The following MEIS1 variants were observed in gnomAD, a reference collection of about 807,000 sequenced individuals.
MEIS1 encodes the protein Meis homeobox 1, also known as homeobox protein Meis1.
MEIS1 carries 5 observed loss-of-function variants against 50.8 expected under a neutral mutation model. The ratio of observed to expected loss-of-function variants is 0.10; its 90% CI spans 0.05 to 0.21. MEIS1 has a LOEUF of 0.21. MEIS1 is among the 10% of genes least tolerant of loss of function. The pLI is 1.00. For synonymous variants in MEIS1, 176 were observed against 179.3 expected (o/e 0.98, Z 0.15); for missense variants, 318 against 517.3 (o/e 0.61, Z 3.74).
chr2:66,472,132 C>T (rs1332896655), intron 7 of MEIS1, among the ~76,000 whole-genome samples: 1 of 152,218 alleles, frequency 6.6e-6, no homozygotes, highest in African/African-American at 2.4e-5. Flanking sequence ...ATCTCCCAGG[C>T]ATTCCAGGGC....
chr2:66,496,458 C>T (rs1337219282), intron 7 of MEIS1, among the ~76,000 whole-genome samples: 1 of 151,952 alleles, frequency 6.6e-6, no homozygotes, highest in Non-Finnish European at 1.5e-5. Flanking sequence ...TGTGAATTGC[C>T]CAATTTCATA....
At chr2:66,525,870 G>A (rs760320911) in intron 8 of MEIS1, among the ~76,000 whole-genome samples, 1 of 152,354 alleles carries the variant, frequency 6.6e-6, no homozygotes. Context: ...CAGTGTGTGT[G>A]GCATGCTAGC....
At chr2:66,445,454 TC>T (rs975429710) in intron 6 of MEIS1, among the ~76,000 whole-genome samples, 1 of 152,216 alleles carries the variant, frequency 6.6e-6, no homozygotes, top group African/African-American at 2.4e-5. Context: ...TGCTGGCCTG[TC>T]CCTCCGGGGC....
chr2:66,500,282 C>T (rs1673518779), intron 7 of MEIS1, among the ~76,000 whole-genome samples: 1 of 152,128 alleles, frequency 6.6e-6, no homozygotes, highest in African/African-American at 2.4e-5. Flanking sequence ...AAATCTTACC[C>T]CACCTCCCAA....
rs1553370177 is a variant in MEIS1 at position 66,440,068 on chromosome 2, A to ACACACACACACACACACAC, written c.381+84_381+85insCACACACACACACACACAC. 11 of 778,606 alleles carry ACACACACACACACACACAC rather than the reference A, an allele frequency of 1.4e-5. No individual in the cohort carries two copies. The African/African-American group carries it at 1.9e-4, about 13-fold the overall frequency. 48.2% of individuals were successfully genotyped at this position (778,606 alleles called of 1,614,324 possible). A position where few individuals can be genotyped will look rare whatever the true frequency, so the allele number is the denominator to read the frequency against. On this transcript the variant is annotated intron_variant, in intron 3 of 12. Transcript: ENST00000272369. ...ACACACACGCGCGCGCGCGCGCGCG[A>ACACACACACACACACACAC]ACACACACACACACACACACACACG...
chr2:66,568,804 G>A (rs1675414405), intron 11 of MEIS1, 48 bp downstream of exon 11: 1 of 1,495,806 alleles, frequency 6.7e-7, no homozygotes, highest in Admixed American at 1.7e-5. Context: ...CTCCAAGAGT[G>A]TCATCCCCTC....
chr2:66,465,987 C>A (rs190411022), intron 7 of MEIS1, among the ~76,000 whole-genome samples: 1 of 152,258 alleles, frequency 6.6e-6, no homozygotes, highest in East Asian at 1.9e-4. Context: ...AATGTTTCTT[C>A]CTATATTTTT....
rs955353826 is a variant in MEIS1, at chr2:66,571,526, G to A, written c.*318G>A. ...GACAAGTCATGGACATTCATGCTCA[G>A]TAGCTTAAGGGAATATGCATTGTCT... On this transcript the variant is annotated 3_prime_UTR_variant, in exon 13 of 13. Coordinates refer to ENST00000272369, the MANE Select transcript of MEIS1 (RefSeq NM_002398.3). 6.4e-7 allele frequency: 1 copy of A among 1,562,272 alleles called. No individual in the cohort carries two copies. Among genetic ancestry groups the A allele is most frequent in the Non-Finnish European group, 8.7e-7 (1 of 1,154,028 alleles).
chr2:66,466,503 C>T (rs908876552), intron 7 of MEIS1, among the ~76,000 whole-genome samples: 13 of 152,196 alleles, frequency 8.5e-5, no homozygotes, highest in African/African-American at 1.4e-4. Context: ...CCATGCCAAC[C>T]GTCACCCTTC....
intron 7 of MEIS1, among the ~76,000 whole-genome samples, chr2:66,498,676 C>G (rs1673470991): frequency 6.6e-6 from 1 of 152,168 alleles, no homozygotes; most frequent in South Asian, 2.1e-4. Flanking sequence ...TCTTCCTGGC[C>G]TGGAGTGACT....
chr2:66,484,854 C>T (rs1673101465), intron 7 of MEIS1, among the ~76,000 whole-genome samples: 1 of 152,132 alleles, frequency 6.6e-6, no homozygotes, highest in Non-Finnish European at 1.5e-5. Flanking sequence ...GCCACTGCGC[C>T]TGGCCAAAAA....
chr2:66,470,879 G>C (rs775526271), intron 7 of MEIS1, among the ~76,000 whole-genome samples: 1 of 152,162 alleles, frequency 6.6e-6, no homozygotes, highest in Non-Finnish European at 1.5e-5. Context: ...GTAAAAGACA[G>C]ACAAATGTTC....
chr2:66,547,096 TC>T (rs1282412996), intron 8 of MEIS1, among the ~76,000 whole-genome samples: 2 of 152,196 alleles, frequency 1.3e-5, no homozygotes, highest in African/African-American at 4.8e-5. Flanking sequence ...AACCATATCC[TC>T]AGCTCCTCCC....
At chr2:66,513,312 T>G (rs1052451087) in intron 8 of MEIS1, among the ~76,000 whole-genome samples, 4 of 152,138 alleles carry the variant, frequency 2.6e-5, no homozygotes, top group Non-Finnish European at 5.9e-5. Flanking sequence ...TGTCTTAGCT[T>G]GCTTTTCCTA....
chr2:66,527,721 G>GCTAGAAT (rs1393072729), intron 8 of MEIS1, among the ~76,000 whole-genome samples: 1 of 151,258 alleles, frequency 6.6e-6, no homozygotes, highest in Non-Finnish European at 1.5e-5. Flanking sequence ...AGGAGAGATG[G>GCTAGAAT]CTAGAATAGT....
intron 7 of MEIS1, among the ~76,000 whole-genome samples, chr2:66,494,329 G>A (rs961936531): frequency 6.6e-6 from 1 of 152,080 alleles, no homozygotes; most frequent in African/African-American, 2.4e-5. Flanking sequence ...AAAAACTCAG[G>A]GTAAGACACT....
intron 7 of MEIS1, among the ~76,000 whole-genome samples, chr2:66,485,363 T>C (rs1472590563): frequency 2.0e-5 from 3 of 152,204 alleles, no homozygotes; most frequent in African/African-American, 7.2e-5. Flanking sequence ...TGTTTAGTTT[T>C]CTGTTCCTGT....
intron 9 of MEIS1, among the ~76,000 whole-genome samples, chr2:66,566,937 G>A (rs1259467049): frequency 6.6e-6 from 1 of 152,010 alleles, no homozygotes; most frequent in African/African-American, 2.4e-5. Context: ...CTCATTTGAT[G>A]GTGTGCTGCC....
intron 8 of MEIS1, among the ~76,000 whole-genome samples, chr2:66,529,816 A>G (rs1008138951): frequency 1.3e-5 from 2 of 152,214 alleles, no homozygotes; most frequent in Non-Finnish European, 2.9e-5. Context: ...ATATTTGAAT[A>G]TGTTTACATA....
Sources: allele counts gnomAD v4.1 joint callset (sites outside exome capture counted in the v4.1 genomes callset), GRCh38; gene constraint gnomAD v4.1.1; transcripts MANE v1.5; gene names NCBI Gene and HGNC (gene_info 2026-07-23, HGNC 2026-07-21).